The following SRPK2 variants were observed in gnomAD, a reference collection of about 807,000 sequenced individuals.
The protein encoded by SRPK2 is SRSF protein kinase 2, also known as SFRS protein kinase 2.
In SRPK2, 21 loss-of-function variants were observed where a neutral mutation model predicts 90.8. The ratio of observed to expected loss-of-function variants is 0.23; its 90% confidence interval spans 0.16 to 0.33. The LOEUF (loss-of-function observed/expected upper bound fraction) is 0.33, where lower values mean the gene tolerates loss of function less well. Among genes scored for constraint, SRPK2 ranks in the 10% least tolerant of loss-of-function variants. The pLI is 1.00. For missense variants in SRPK2, 620 were observed against 869.0 expected (o/e 0.71, Z 3.60); for synonymous variants, 288 against 311.1 (o/e 0.93, Z 0.78).
At chr7:105,127,323 A>G (rs1801348071) in intron 13 of SRPK2, among the ~76,000 whole-genome samples, 2 of 152,238 alleles carry the variant, frequency 1.3e-5, no homozygotes, top group Admixed American at 1.3e-4. Flanking sequence ...TCAGTGAGTC[A>G]GCCGCACCTG....
chr7:105,194,925 G>A (rs1794734372), intron 3 of SRPK2, among the ~76,000 whole-genome samples: 1 of 152,064 alleles, frequency 6.6e-6, no homozygotes, highest in South Asian at 2.1e-4. Flanking sequence ...ATAGGTGGGG[G>A]AACAAGTCTT....
At chr7:105,290,266 A>T (rs941976443) in intron 2 of SRPK2, among the ~76,000 whole-genome samples, 20 of 147,350 alleles carry the variant, frequency 1.4e-4, no homozygotes, top group Non-Finnish European at 2.7e-4. Context: ...CATTTGTATT[A>T]AAAAAAAAAC....
At chr7:105,324,007 GTGT>G (rs1813256871) in intron 2 of SRPK2, among the ~76,000 whole-genome samples, 1 of 149,606 alleles carries the variant, frequency 6.7e-6, no homozygotes. Flanking sequence ...GTGTGTGTGT[GTGT>G]GTGTGTGGTG....
At chr7:105,118,553 A>G (rs1799883163) in intron 15 of SRPK2, among the ~76,000 whole-genome samples, 1 of 152,210 alleles carries the variant, frequency 6.6e-6, no homozygotes, top group African/African-American at 2.4e-5. Context: ...AATGACTAAC[A>G]AGCTAGTAAA....
At chr7:105,156,186 G>A (rs563944957) in intron 7 of SRPK2, among the ~76,000 whole-genome samples, 4 of 152,160 alleles carry the variant, frequency 2.6e-5, no homozygotes, top group South Asian at 2.1e-4. Context: ...ATTATATAAC[G>A]GCCAAAATGG....
intron 2 of SRPK2, among the ~76,000 whole-genome samples, chr7:105,386,525 C>CTGGT (rs1446378186): frequency 6.6e-6 from 1 of 151,838 alleles, no homozygotes; most frequent in Admixed American, 6.6e-5. Context: ...ACCAGCCCGG[C>CTGGT]CAACATGGTG....
intron 15 of SRPK2, among the ~76,000 whole-genome samples, chr7:105,122,351 G>T (rs1800507037): frequency 6.6e-6 from 1 of 152,132 alleles, no homozygotes. Context: ...AAGAGAAACG[G>T]AAACATCTGC....
chr7:105,385,745 C>T (rs1048207850), intron 2 of SRPK2, among the ~76,000 whole-genome samples: 8 of 152,176 alleles, frequency 5.3e-5, no homozygotes, highest in African/African-American at 1.9e-4. Flanking sequence ...GATTCAACAG[C>T]TGGGCATGTT....
intron 3 of SRPK2, among the ~76,000 whole-genome samples, chr7:105,202,174 G>C (rs906726403): frequency 3.9e-5 from 6 of 152,298 alleles, no homozygotes; most frequent in Admixed American, 1.3e-4. Context: ...TCAGGTTAGA[G>C]TAGATTAGTT....
intron 11 of SRPK2, among the ~76,000 whole-genome samples, chr7:105,141,268 A>G (rs1379049238): frequency 1.3e-5 from 2 of 152,154 alleles, no homozygotes; most frequent in East Asian, 1.9e-4. Flanking sequence ...CTGGCTCATC[A>G]ATTTTACTCG....
intron 3 of SRPK2, among the ~76,000 whole-genome samples, chr7:105,194,011 G>T (rs1164928472): frequency 6.6e-6 from 1 of 152,154 alleles, no homozygotes; most frequent in Non-Finnish European, 1.5e-5. Flanking sequence ...TCAGGTAAAT[G>T]TATTGCAAAG....
At chr7:105,282,559 T>C (rs533681232) in intron 2 of SRPK2, among the ~76,000 whole-genome samples, 10 of 152,316 alleles carry the variant, frequency 6.6e-5, no homozygotes, top group East Asian at 1.9e-4. Flanking sequence ...TCTCTGTGCA[T>C]TGGGAGGCCA....
At chr7:105,378,761 CA>C (rs35549009) in intron 2 of SRPK2, among the ~76,000 whole-genome samples, 1,677 of 92,210 alleles carry the variant, frequency 0.018, 20 homozygotes, top group African/African-American at 0.065. Context: ...GACTCCGTCT[CA>C]AAAAAAAAAA....
intron 2 of SRPK2, among the ~76,000 whole-genome samples, chr7:105,237,750 T>C (rs1800315121): frequency 6.6e-6 from 1 of 152,170 alleles, no homozygotes; most frequent in Admixed American, 6.5e-5. Flanking sequence ...CTGAGTGCTG[T>C]GGTAAAGCTA....
At chr7:105,294,306 G>A (rs1254450367) in intron 2 of SRPK2, among the ~76,000 whole-genome samples, 1 of 152,098 alleles carries the variant, frequency 6.6e-6, no homozygotes, top group Non-Finnish European at 1.5e-5. Context: ...TCAAATGTTA[G>A]GTACCTATTG....
intron 5 of SRPK2, 100 bp downstream of exon 5, chr7:105,167,904 CCCAG>C: frequency 2.0e-6 from 2 of 985,820 alleles, no homozygotes; most frequent in South Asian, 3.3e-5. Context: ...AGCCACCGTG[CCCAG>C]CCAAACTTGA....
Position 105,244,666 on chromosome 7 carries a change from C to T in SRPK2, c.72-40881G>A, listed in dbSNP as rs1244637513. 7.9e-6 allele frequency: 8 copies of T among 1,008,560 alleles called. No individual in the cohort carries two copies. In the East Asian group the frequency reaches 1.5e-4, roughly 20 times the overall value. 62.5% of individuals were successfully genotyped at this position (1,008,560 alleles called of 1,614,324 possible). A position where few individuals can be genotyped will look rare whatever the true frequency, so the allele number is the denominator to read the frequency against. The stretch of plus-strand genomic sequence containing the variant: ...GAGCAGCAGCCCTGGCTCTGCGCTA[C>T]CCTATGGCCGTGGGCCTCAACAAGG... On this transcript the variant is annotated intron_variant, in intron 2 of 15. Coordinates refer to ENST00000393651, the MANE Select transcript of SRPK2 (RefSeq NM_182692.3).
At chr7:105,144,486 T>A (rs1251820050) in intron 9 of SRPK2, among the ~76,000 whole-genome samples, 1 of 151,692 alleles carries the variant, frequency 6.6e-6, no homozygotes, top group East Asian at 1.9e-4. Flanking sequence ...AGTGATCTAG[T>A]GGCCTCAGCC....
intron 3 of SRPK2, among the ~76,000 whole-genome samples, chr7:105,177,119 G>C (rs558517402): frequency 2.6e-5 from 4 of 152,020 alleles, no homozygotes; most frequent in Admixed American, 1.3e-4. Flanking sequence ...TGTCAGGAAA[G>C]TGATTAAATC....
Sources: gnomAD v4.1 joint callset for allele counts (sites outside exome capture counted in the v4.1 genomes callset) on GRCh38, gnomAD v4.1.1 for gene constraint, MANE v1.5 for transcripts, NCBI Gene and HGNC (gene_info 2026-07-23, HGNC 2026-07-21) for gene names.